Variants in CNTNAP2 observed in about 807,000 individuals in gnomAD.
CNTNAP2 encodes the protein contactin associated protein 2.
CNTNAP2 carries 98 observed loss-of-function variants against 155.2 expected under a neutral mutation model. The ratio of observed to expected loss-of-function variants is 0.63; its 90% CI spans 0.54 to 0.75. The LOEUF is 0.75. CNTNAP2 is among the 30% of genes least tolerant of loss of function. The probability of loss-of-function intolerance (pLI) is 0.00; values close to 1 mark genes in which losing one functional copy is unlikely to be tolerated. For missense variants in CNTNAP2, 1,727 were observed against 1,688.1 expected (o/e 1.02, Z -0.40); for synonymous variants, 651 against 631.2 (o/e 1.03, Z -0.47).
chr7:148,068,942 T>C (rs1803322527), intron 15 of CNTNAP2, among the ~76,000 whole-genome samples: 1 of 152,214 alleles, frequency 6.6e-6, no homozygotes, highest in South Asian at 2.1e-4. Flanking sequence ...TCTGGTATTC[T>C]GTTCTGAAGA....
At chr7:148,389,119 G>A (rs929616531) in intron 22 of CNTNAP2, among the ~76,000 whole-genome samples, 1 of 152,196 alleles carries the variant, frequency 6.6e-6, no homozygotes, top group African/African-American at 2.4e-5. Context: ...GCTGGGAGCT[G>A]TAGACTGGAG....
intron 12 of CNTNAP2, among the ~76,000 whole-genome samples, chr7:147,618,751 G>A (rs180718938): frequency 3.3e-5 from 5 of 151,020 alleles, no homozygotes; most frequent in Admixed American, 2.7e-4. Context: ...TTAAGAAACT[G>A]GTTACATTCT....
chr7:146,942,213 G>GA (rs1262463979), intron 3 of CNTNAP2, among the ~76,000 whole-genome samples: 1 of 151,846 alleles, frequency 6.6e-6, no homozygotes, highest in East Asian at 1.9e-4. Flanking sequence ...ATTCTATGAA[G>GA]AAAAAATATA....
chr7:147,491,997 A>T (rs1039032652), intron 11 of CNTNAP2, among the ~76,000 whole-genome samples: 1 of 152,214 alleles, frequency 6.6e-6, no homozygotes, highest in Non-Finnish European at 1.5e-5. Flanking sequence ...GAAATTTGTG[A>T]GAACTATGAC....
At chr7:147,877,325 G>T (rs369149909) in intron 13 of CNTNAP2, among the ~76,000 whole-genome samples, 5 of 151,980 alleles carry the variant, frequency 3.3e-5, no homozygotes, top group Non-Finnish European at 5.9e-5. Flanking sequence ...TTAACCAATC[G>T]GTCAGTCCAT....
At chr7:147,866,465 G>A (rs543371334) in intron 13 of CNTNAP2, among the ~76,000 whole-genome samples, 4 of 152,234 alleles carry the variant, frequency 2.6e-5, no homozygotes, top group South Asian at 2.1e-4. Flanking sequence ...TTCAAGTCCT[G>A]GATATCCTTG....
intron 9 of CNTNAP2, among the ~76,000 whole-genome samples, chr7:147,336,969 C>A (rs1488949105): frequency 6.6e-6 from 1 of 152,206 alleles, no homozygotes. Context: ...TTATGTCCCC[C>A]ACCAGCTTAA....
In CNTNAP2 at chr7:146,914,469, T is replaced by A. The variant is rs186214001; in HGVS notation, c.402+74565T>A. On this transcript the variant is annotated intron_variant, in intron 3 of 23. Transcript: ENST00000361727. ...CACGCCAACATCTATTATTTTTTTTTAATTTTTTTATTATGGCCATTCTTG... is the reference window on the plus strand; with the variant it reads ...CACGCCAACATCTATTATTTTTTTTAAATTTTTTTATTATGGCCATTCTTG... 5.7e-4 allele frequency among the ~76,000 whole-genome samples: 87 copies of A among 152,166 alleles called. No individual in the cohort carries two copies. The East Asian group carries it at 0.011, about 19-fold the overall frequency.
At chr7:146,530,549 T>A (rs1797755768) in intron 1 of CNTNAP2, among the ~76,000 whole-genome samples, 1 of 152,080 alleles carries the variant, frequency 6.6e-6, no homozygotes, top group Non-Finnish European at 1.5e-5. Context: ...AACAACCTCA[T>A]TAAAAAGTGG....
At chr7:147,460,286 G>A (rs1797999581) in intron 10 of CNTNAP2, among the ~76,000 whole-genome samples, 1 of 151,904 alleles carries the variant, frequency 6.6e-6, no homozygotes, top group Non-Finnish European at 1.5e-5. Flanking sequence ...TAAACAGTAC[G>A]GTGCTTGTGG....
At chr7:146,995,331 A>C (rs1351096164) in intron 3 of CNTNAP2, among the ~76,000 whole-genome samples, 1 of 152,048 alleles carries the variant, frequency 6.6e-6, no homozygotes, top group Non-Finnish European at 1.5e-5. Flanking sequence ...TAATGACTTT[A>C]TTTCCTTTGG....
chr7:147,550,876 C>T lies in CNTNAP2; in HGVS notation c.1778-11262C>T, dbSNP rs77667935. Among the ~76,000 whole-genome samples, 1,001 of 152,196 alleles carry T rather than the reference C, an allele frequency of 6.6e-3. 9 individuals carry two copies. The highest frequency in any genetic ancestry group is 0.023 in the African/African-American group (944 of 41,516). ...TATGTACATATAGATATAGTATATA[C>T]GTTTGTGTGTGTACTTAAACCACAA... On this transcript the variant is annotated intron_variant, in intron 11 of 23. Coordinates refer to ENST00000361727, the MANE Select transcript of CNTNAP2 (RefSeq NM_014141.6).
chr7:147,468,787 AAGT>A (rs1798162387), intron 10 of CNTNAP2, among the ~76,000 whole-genome samples: 2 of 152,314 alleles, frequency 1.3e-5, no homozygotes, highest in African/African-American at 2.4e-5. Context: ...TTATGTAAGA[AAGT>A]AGCAGGATGG....
At chr7:147,927,647 T>G (rs1477819557) in intron 14 of CNTNAP2, among the ~76,000 whole-genome samples, 2 of 152,226 alleles carry the variant, frequency 1.3e-5, no homozygotes, top group East Asian at 3.8e-4. Context: ...ATCTTCAGAA[T>G]TTCATGCCAT....
At chr7:146,687,401 C>T (rs118183857) in intron 1 of CNTNAP2, among the ~76,000 whole-genome samples, 9 of 152,214 alleles carry the variant, frequency 5.9e-5, no homozygotes, top group East Asian at 1.9e-4. Context: ...TGAGATAGTA[C>T]ATGGACAAAA....
At chr7:146,722,086 C>A (rs1211971854) in intron 1 of CNTNAP2, among the ~76,000 whole-genome samples, 1 of 150,966 alleles carries the variant, frequency 6.6e-6, no homozygotes, top group Non-Finnish European at 1.5e-5. Flanking sequence ...GACAGGTTTT[C>A]ACCATGTTGG....
At chr7:146,931,756 T>C (rs1485732175) in intron 3 of CNTNAP2, among the ~76,000 whole-genome samples, 2 of 149,056 alleles carry the variant, frequency 1.3e-5, no homozygotes, top group African/African-American at 5.0e-5. Flanking sequence ...AAAGGGGATA[T>C]CACCACCGAT....
At chr7:147,324,835 C>A (rs929013570) in intron 9 of CNTNAP2, among the ~76,000 whole-genome samples, 4 of 149,462 alleles carry the variant, frequency 2.7e-5, no homozygotes, top group Non-Finnish European at 4.4e-5. Context: ...CCAGTGAAGA[C>A]CTAACTGGCT....
intron 8 of CNTNAP2, among the ~76,000 whole-genome samples, chr7:147,154,144 A>T (rs1801878675): frequency 6.6e-6 from 1 of 152,288 alleles, no homozygotes; most frequent in Non-Finnish European, 1.5e-5. Flanking sequence ...ACTAGATGTA[A>T]TAACATTCAT....
Sources: allele counts gnomAD v4.1 joint callset (sites outside exome capture counted in the v4.1 genomes callset), GRCh38; gene constraint gnomAD v4.1.1; transcripts MANE v1.5; gene names NCBI Gene and HGNC (gene_info 2026-07-23, HGNC 2026-07-21).